Variants in DMRT1 observed in about 807,000 individuals in gnomAD.
DMRT1 encodes doublesex- and mab-3-related transcription factor 1.
In DMRT1, 7 loss-of-function variants were observed where a neutral mutation model predicts 32.3. The ratio of observed to expected loss-of-function variants is 0.22; its 90% CI spans 0.12 to 0.41. The LOEUF (loss-of-function observed/expected upper bound fraction) is 0.41, where lower values mean the gene tolerates loss of function less well. DMRT1 is among the 10% of genes least tolerant of loss of function. The pLI is 1.00. For synonymous variants in DMRT1, 278 were observed against 206.1 expected (o/e 1.35, Z -2.99); for missense variants, 625 against 500.5 (o/e 1.25, Z -2.37).
intron 4 of DMRT1, among the ~76,000 whole-genome samples, chr9:921,561 C>G (rs901743022): frequency 6.6e-6 from 1 of 152,078 alleles, no homozygotes; most frequent in Non-Finnish European, 1.5e-5. Context: ...TTTTGAGGAA[C>G]ATGTTACTGT....
chr9:898,363 G>C (rs547251216), intron 3 of DMRT1, among the ~76,000 whole-genome samples: 3 of 152,068 alleles, frequency 2.0e-5, no homozygotes, highest in Admixed American at 2.0e-4. Context: ...CAAGTGATCC[G>C]CCCACTCGGC....
At chr9:886,546 G>A (rs951624275) in intron 2 of DMRT1, among the ~76,000 whole-genome samples, 2 of 152,048 alleles carry the variant, frequency 1.3e-5, no homozygotes, top group African/African-American at 2.4e-5. Flanking sequence ...GTGAGCCACC[G>A]TGTACGGCCA....
Position 917,999 on chromosome 9 carries a change from T to A in DMRT1, c.967+1092T>A, listed in dbSNP as rs1029682787. Among the ~76,000 whole-genome samples the A allele has an allele frequency of 3.9e-5, 6 of 152,376 alleles. No individual in the cohort carries two copies. The East Asian group carries it at 1.2e-3, about 29-fold the overall frequency. ...CTGTTTTATAAGTATTCATACTATA[T>A]AATGTGTGCCCATAGGTCCTTCTTT... On this transcript the variant is annotated intron_variant, in intron 4 of 4. Coordinates refer to ENST00000382276, the MANE Select transcript of DMRT1 (RefSeq NM_021951.3).
rs575032462 is a variant in DMRT1 at position 946,797 on chromosome 9, GTAGGAAAGA to G, written c.968-21186_968-21178del. 4.6e-4 allele frequency among the ~76,000 whole-genome samples: 70 copies of G among 152,308 alleles called. 1 individual carries two copies. In the South Asian group the frequency reaches 0.015, roughly 32 times the overall value. Reference sequence around the variant, plus strand: ...GGCTGAAAAATGTGCTGCCTCCTTGGTAGGAAAGATTGGGGAATACGTCCTTTCTGTGCT... The same window carrying G: ...GGCTGAAAAATGTGCTGCCTCCTTGGTTGGGGAATACGTCCTTTCTGTGCT... On this transcript the variant is annotated intron_variant, in intron 4 of 4. Transcript: ENST00000382276.
Position 857,199 on chromosome 9 carries a change from C to T in DMRT1, c.538+10056C>T, listed in dbSNP as rs541637698. Among the ~76,000 whole-genome samples, 9 of 152,062 alleles carry T rather than the reference C, an allele frequency of 5.9e-5. No individual in the cohort carries two copies. In the East Asian group the frequency reaches 1.4e-3, roughly 23 times the overall value. ...GCACATGCCTGTAATCCCAGCTACT[C>T]GGGAGGCAGAGGTGGGAGAATTTTC... On this transcript the variant is annotated intron_variant, in intron 2 of 4. Transcript: ENST00000382276.
chr9:951,788 C>G (rs1365003185), intron 4 of DMRT1, among the ~76,000 whole-genome samples: 1 of 152,110 alleles, frequency 6.6e-6, no homozygotes, highest in African/African-American at 2.4e-5. Context: ...AAAAGAAGCA[C>G]AGATGTGAGG....
At chr9:890,793 C>T (rs1186971139) in intron 2 of DMRT1, among the ~76,000 whole-genome samples, 1 of 152,184 alleles carries the variant, frequency 6.6e-6, no homozygotes, top group African/African-American at 2.4e-5. Context: ...CTGCTCACTG[C>T]AACCTCGGCC....
chr9:953,268 T>C (rs1309674989), intron 4 of DMRT1, among the ~76,000 whole-genome samples: 2 of 152,154 alleles, frequency 1.3e-5, no homozygotes, highest in Non-Finnish European at 2.9e-5. Flanking sequence ...ATAAGCCTCC[T>C]TTATTATGGA....
chr9:905,967 G>C (rs906872584), intron 3 of DMRT1, among the ~76,000 whole-genome samples: 2 of 151,964 alleles, frequency 1.3e-5, no homozygotes, highest in Non-Finnish European at 2.9e-5. Context: ...TCCTTTTAAA[G>C]CCGTGAAATT....
chr9:852,781 T>G (rs1467994894), intron 2 of DMRT1, among the ~76,000 whole-genome samples: 1 of 152,208 alleles, frequency 6.6e-6, no homozygotes, highest in Admixed American at 6.5e-5. Context: ...TCCAGCCTCT[T>G]CTGTGGCTCG....
rs549571547 is a variant in DMRT1, at chr9:967,440, A to T, written c.968-545A>T. Among the ~76,000 whole-genome samples the T allele has an allele frequency of 1.8e-4, 28 of 152,118 alleles. No individual in the cohort carries two copies. In the South Asian group the frequency reaches 5.6e-3, roughly 30 times the overall value. ...CCCATTTACTGTCTTTTACTTTTTA[A>T]AAGTTATGTATGCTGACATCCCTTT... On this transcript the variant is annotated intron_variant, in intron 4 of 4. Transcript: ENST00000382276.
chr9:861,802 G>A (rs970089520), intron 2 of DMRT1, among the ~76,000 whole-genome samples: 4 of 40,886 alleles, frequency 9.8e-5, no homozygotes, highest in Admixed American at 2.3e-4. Context: ...GGCGGCTGCC[G>A]GGCGGGGGGG....
chr9:903,028 C>G lies in DMRT1; in HGVS notation c.822+8833C>G, dbSNP rs62530267. Among the ~76,000 whole-genome samples the G allele has an allele frequency of 2.6e-3, 395 of 152,218 alleles. 1 individual carries two copies. The highest frequency in any genetic ancestry group is 3.6e-3 in the Non-Finnish European group (242 of 68,010). The stretch of plus-strand genomic sequence containing the variant: ...CAGTGGAATTAAAGCTGTCATGTTC[C>G]CTGAGTTTGGGGGTCACATTACTAT... On this transcript the variant is annotated intron_variant, in intron 3 of 4. Coordinates refer to ENST00000382276, the MANE Select transcript of DMRT1 (RefSeq NM_021951.3).
intron 2 of DMRT1, among the ~76,000 whole-genome samples, chr9:872,466 C>T (rs1407227499): frequency 1.3e-5 from 2 of 152,186 alleles, no homozygotes; most frequent in South Asian, 2.1e-4. Context: ...AAAACTCATA[C>T]CCATTACTGG....
At chr9:884,346 T>C (rs570789843) in intron 2 of DMRT1, among the ~76,000 whole-genome samples, 22 of 144,742 alleles carry the variant, frequency 1.5e-4, no homozygotes, top group African/African-American at 4.7e-4. Flanking sequence ...GAGTGAATCA[T>C]ATTTCACACT....
chr9:941,006 G>A (rs572139914), intron 4 of DMRT1, among the ~76,000 whole-genome samples: 4 of 152,274 alleles, frequency 2.6e-5, no homozygotes, highest in Non-Finnish European at 5.9e-5. Flanking sequence ...CACACATTAG[G>A]ATGGCTACTA....
chr9:931,002 C>T (rs1586633249), intron 4 of DMRT1, among the ~76,000 whole-genome samples: 1 of 152,158 alleles, frequency 6.6e-6, no homozygotes, highest in African/African-American at 2.4e-5. Context: ...AAAACAATCC[C>T]CATATTACTC....
At chr9:930,498 G>A (rs541732808) in intron 4 of DMRT1, among the ~76,000 whole-genome samples, 118 of 151,784 alleles carry the variant, frequency 7.8e-4, no homozygotes, top group Non-Finnish European at 1.3e-3. Context: ...TGCAAGCTCC[G>A]CCTCTCGGGT....
At chr9:860,833 G>A (rs1335052343) in intron 2 of DMRT1, among the ~76,000 whole-genome samples, 1 of 152,194 alleles carries the variant, frequency 6.6e-6, no homozygotes, top group Non-Finnish European at 1.5e-5. Flanking sequence ...AGCATTTGAG[G>A]AGGAAGGAGC....
Sources: gnomAD v4.1 joint callset for allele counts (sites outside exome capture counted in the v4.1 genomes callset) on GRCh38, gnomAD v4.1.1 for gene constraint, MANE v1.5 for transcripts, NCBI Gene and HGNC (gene_info 2026-07-23, HGNC 2026-07-21) for gene names.